CMTM7: variants seen among roughly 807,000 people sequenced by gnomAD.
CMTM7 encodes CKLF like MARVEL transmembrane domain containing 7, also known as CKLF-like MARVEL transmembrane domain-containing protein 7.
A neutral mutation model predicts 19.3 loss-of-function variants in CMTM7; 7 were observed. The observed-to-expected ratio is 0.36, with a 90% CI of 0.21 to 0.68. The LOEUF (loss-of-function observed/expected upper bound fraction) is 0.68. CMTM7 is among the 30% of genes least tolerant of loss of function. The pLI is 0.60. For synonymous variants in CMTM7, 87 were observed against 99.3 expected (o/e 0.88, Z 0.74); for missense variants, 193 against 232.6 (o/e 0.83, Z 1.11).
intron 1 of CMTM7, among the ~76,000 whole-genome samples, chr3:32,393,429 G>C (rs1289055162): frequency 2.0e-5 from 3 of 152,170 alleles, no homozygotes; most frequent in Non-Finnish European, 4.4e-5. Context: ...AGATGGGCTG[G>C]GGTGAGACAT....
chr3:32,432,997 T>G (rs1218987920), intron 1 of CMTM7, among the ~76,000 whole-genome samples: 1 of 152,212 alleles, frequency 6.6e-6, no homozygotes, highest in African/African-American at 2.4e-5. Flanking sequence ...CCTGTAGTGA[T>G]GACAAGAGTG....
At chr3:32,424,384 G>T (rs776530123) in intron 1 of CMTM7, among the ~76,000 whole-genome samples, 2 of 152,170 alleles carry the variant, frequency 1.3e-5, no homozygotes, top group East Asian at 1.9e-4. Context: ...GGCCACCAAG[G>T]CCTGCCCAGC....
chr3:32,393,538 G>A (rs1198130464), intron 1 of CMTM7, among the ~76,000 whole-genome samples: 1 of 152,130 alleles, frequency 6.6e-6, no homozygotes, highest in Non-Finnish European at 1.5e-5. Flanking sequence ...AGATATTGTG[G>A]GATGAAAAGT....
chr3:32,418,715 A>T (rs1445755551), intron 1 of CMTM7, among the ~76,000 whole-genome samples: 1 of 152,208 alleles, frequency 6.6e-6, no homozygotes, highest in Non-Finnish European at 1.5e-5. Context: ...TTATATTCAT[A>T]TGGGTCTATT....
intron 1 of CMTM7, among the ~76,000 whole-genome samples, chr3:32,410,266 C>T (rs1249042177): frequency 6.6e-6 from 1 of 152,210 alleles, no homozygotes; most frequent in Non-Finnish European, 1.5e-5. Context: ...CTACCAAGAC[C>T]TGAGCTGCAG....
chr3:32,449,467 A>G lies in CMTM7; in HGVS notation c.347A>G (p.Tyr116Cys), dbSNP rs758910208. 6.2e-7 allele frequency: 1 copy of G among 1,613,866 alleles called. No homozygotes were observed. Among genetic ancestry groups the G allele is most frequent in the Non-Finnish European group, 8.5e-7 (1 of 1,179,782 alleles). Residue 116 changes from tyrosine to cysteine, a missense_variant, in exon 3 of 5, where the codon TAT (tyrosine) becomes TGT (cysteine). Tyr to Cys is a radical substitution (Grantham distance 194). Coordinates refer to ENST00000334983, the MANE Select transcript of CMTM7 (RefSeq NM_138410.4). This position sits in a 1 kb window ranked among gnomAD's most constrained non-coding sequence, Gnocchi z 4.5. ...TTCTGCCCCCAGGAACTTCTGCACT[A>G]TTTAATCGGTACCCTGCTCCTCCTC... ...ISWPLSELLH[Y>C]LIGTLLLLIA...
chr3:32,418,683 C>A (rs1403228599), intron 1 of CMTM7, among the ~76,000 whole-genome samples: 2 of 152,138 alleles, frequency 1.3e-5, no homozygotes, highest in South Asian at 4.2e-4. Context: ...TTACTTTACA[C>A]TTCTCTCAAA....
chr3:32,438,499 A>G (rs1445799691), intron 1 of CMTM7, among the ~76,000 whole-genome samples: 8 of 150,716 alleles, frequency 5.3e-5, no homozygotes, highest in Admixed American at 5.3e-4. Flanking sequence ...TTTTTTTTTA[A>G]CTTAATATGC....
intron 2 of CMTM7, among the ~76,000 whole-genome samples, chr3:32,445,183 C>T (rs1374163040): frequency 6.6e-6 from 1 of 152,156 alleles, no homozygotes; most frequent in Admixed American, 6.5e-5. Context: ...CCTTTATAAT[C>T]TGGATGCCAT....
At chr3:32,452,294 A>G in intron 3 of CMTM7, 98 bp from the exon 4 acceptor site, 1 of 1,603,930 alleles carries the variant, frequency 6.2e-7, no homozygotes, top group South Asian at 1.1e-5. Context: ...CTGGCCAGAG[A>G]CATGAAGGGA....
chr3:32,394,689 A>G (rs1337325417), intron 1 of CMTM7, among the ~76,000 whole-genome samples: 1 of 152,128 alleles, frequency 6.6e-6, no homozygotes, highest in Non-Finnish European at 1.5e-5. Context: ...TTGACTTTAA[A>G]GCACTCTTTT....
At chr3:32,411,305 T>C (rs2125625298) in intron 1 of CMTM7, among the ~76,000 whole-genome samples, 1 of 152,342 alleles carries the variant, frequency 6.6e-6, no homozygotes, top group East Asian at 1.9e-4. Context: ...TTGAAAGAAC[T>C]CTTTTAGATT....
chr3:32,447,708 T>G (rs910692292), intron 2 of CMTM7, among the ~76,000 whole-genome samples: 1 of 152,214 alleles, frequency 6.6e-6, no homozygotes, highest in Non-Finnish European at 1.5e-5. Context: ...AACTTTTTTT[T>G]GTGTTCGATT....
At chr3:32,447,142 T>G (rs2125642674) in intron 2 of CMTM7, among the ~76,000 whole-genome samples, 1 of 152,312 alleles carries the variant, frequency 6.6e-6, no homozygotes, top group African/African-American at 2.4e-5. Flanking sequence ...TCCAGGTATT[T>G]TCTGATTTCT....
intron 1 of CMTM7, among the ~76,000 whole-genome samples, chr3:32,403,615 G>A (rs1696043412): frequency 6.6e-6 from 1 of 152,190 alleles, no homozygotes; most frequent in Admixed American, 6.5e-5. Flanking sequence ...CTGAGGCACA[G>A]AGTCATAAAT....
At chr3:32,403,756 G>A (rs574813904) in intron 1 of CMTM7, among the ~76,000 whole-genome samples, 3 of 152,288 alleles carry the variant, frequency 2.0e-5, no homozygotes, top group African/African-American at 7.2e-5. Context: ...TGAAAATGAT[G>A]TTGTGATCAC....
Position 32,449,423 on chromosome 3 carries a change from A to G in CMTM7, c.334-31A>G. The G allele has an allele frequency of 6.7e-7, 1 of 1,483,640 alleles. No homozygotes were observed. The highest frequency in any genetic ancestry group is 1.1e-5 in the South Asian group (1 of 88,464). The allele number at this position is 1,483,640 out of a possible 1,614,324, so 91.9% of individuals were successfully genotyped here. On this transcript the variant is annotated intron_variant, in intron 2 of 4. Coordinates refer to ENST00000334983, the MANE Select transcript of CMTM7 (RefSeq NM_138410.4). This position sits in a 1 kb window ranked among gnomAD's most constrained non-coding sequence, Gnocchi z 4.5. ...TCCCGGACCAGAAATGGACGGCCCT[A>G]CCCACTTATTTGCTTTGTTTCTGCC...
At chr3:32,443,931 T>A (rs1696716910) in intron 2 of CMTM7, among the ~76,000 whole-genome samples, 1 of 152,230 alleles carries the variant, frequency 6.6e-6, no homozygotes, top group Non-Finnish European at 1.5e-5. Flanking sequence ...CATTATTGAG[T>A]TGTGAGAATT....
At chr3:32,400,670 T>C (rs963260775) in intron 1 of CMTM7, among the ~76,000 whole-genome samples, 14 of 152,182 alleles carry the variant, frequency 9.2e-5, no homozygotes, top group Non-Finnish European at 2.9e-5. Flanking sequence ...GGATTACAGG[T>C]GTGACCCACC....
Sources: allele counts gnomAD v4.1 joint callset (sites outside exome capture counted in the v4.1 genomes callset), GRCh38; gene constraint gnomAD v4.1.1; non-coding constraint Gnocchi (gnomAD v3.1); transcripts MANE v1.5; gene names NCBI Gene and HGNC (gene_info 2026-07-23, HGNC 2026-07-21).